The following L3MBTL4 variants were observed in gnomAD, a reference collection of about 807,000 sequenced individuals.
L3MBTL4 encodes the protein L3MBTL histone methyl-lysine binding protein 4.
Under a neutral mutation model 84.5 loss-of-function variants are expected in L3MBTL4, and 70 were observed. The observed-to-expected ratio is 0.83, with a 90% CI of 0.68 to 1.01. L3MBTL4 has a LOEUF of 1.01. Ranked by LOEUF, L3MBTL4 falls within the 50% of genes least tolerant of loss-of-function variation. The pLI is 0.00. For synonymous variants in L3MBTL4, 274 were observed against 259.8 expected, an observed-to-expected ratio of 1.05 and a Z score of -0.52; for missense variants, 715 against 754.8, an observed-to-expected ratio of 0.95 and a Z score of 0.62.
intron 12 of L3MBTL4, among the ~76,000 whole-genome samples, chr18:6,176,799 G>T (rs578116283): frequency 6.6e-6 from 1 of 152,122 alleles, no homozygotes; most frequent in South Asian, 2.1e-4. Context: ...TCTGACAAGA[G>T]ACTTGACAAA....
At chr18:6,333,989 G>A (rs1466113792) in intron 1 of L3MBTL4, among the ~76,000 whole-genome samples, 3 of 152,172 alleles carry the variant, frequency 2.0e-5, no homozygotes, top group African/African-American at 7.2e-5. Context: ...TGGCCATAAA[G>A]CATTCCAAAC....
chr18:6,020,847 T>C (rs946719117), intron 16 of L3MBTL4, among the ~76,000 whole-genome samples: 1 of 152,066 alleles, frequency 6.6e-6, no homozygotes, highest in African/African-American at 2.4e-5. Flanking sequence ...GGGGTGGACG[T>C]GCTCACTAAG....
chr18:6,183,428 C>T (rs770098373), intron 12 of L3MBTL4, among the ~76,000 whole-genome samples: 12 of 152,340 alleles, frequency 7.9e-5, no homozygotes, highest in African/African-American at 1.2e-4. Context: ...ATGTAAAGGT[C>T]GTTGCCTTTG....
rs139585051 is a variant in L3MBTL4 at position 6,329,442 on chromosome 18, C to T, written c.-90-17386G>A. 1.6e-3 allele frequency among the ~76,000 whole-genome samples: 243 copies of T among 152,204 alleles called. 2 individuals are homozygous for T. Among genetic ancestry groups the T allele is most frequent in the African/African-American group, 5.2e-3 (215 of 41,546 alleles). ...TGCTCGGATTACAGGCCTGAGCCAC[C>T]GCACCCAGCCTTCTGTTTCTTTTTA... On this transcript the variant is annotated intron_variant, in intron 1 of 18. Transcript: ENST00000317931.
intron 17 of L3MBTL4, among the ~76,000 whole-genome samples, chr18:5,969,120 C>T (rs2052502806): frequency 6.6e-6 from 1 of 152,122 alleles, no homozygotes; most frequent in African/African-American, 2.4e-5. Flanking sequence ...TGAATTAGCC[C>T]CAGCTGATAG....
chr18:6,354,450 G>T (rs752539554), intron 1 of L3MBTL4, among the ~76,000 whole-genome samples: 2 of 152,120 alleles, frequency 1.3e-5, no homozygotes, highest in Non-Finnish European at 2.9e-5. Context: ...AAGTTAAAAA[G>T]CTTCTACAGA....
At chr18:6,010,348 G>A (rs2054678242) in intron 16 of L3MBTL4, among the ~76,000 whole-genome samples, 1 of 152,134 alleles carries the variant, frequency 6.6e-6, no homozygotes, top group Admixed American at 6.5e-5. Flanking sequence ...AGCTCAGAGA[G>A]GAACTGTGCT....
At chr18:6,227,322 AC>A (rs2046820750) in intron 10 of L3MBTL4, among the ~76,000 whole-genome samples, 1 of 152,206 alleles carries the variant, frequency 6.6e-6, no homozygotes, top group Non-Finnish European at 1.5e-5. Flanking sequence ...CCACCCAACA[AC>A]AGCAAAATAC....
At chr18:6,365,620 CA>C (rs2053901867) in intron 1 of L3MBTL4, among the ~76,000 whole-genome samples, 1 of 152,104 alleles carries the variant, frequency 6.6e-6, no homozygotes, top group Non-Finnish European at 1.5e-5. Context: ...ATAAGAAAAA[CA>C]ATACCCACAG....
intron 14 of L3MBTL4, among the ~76,000 whole-genome samples, chr18:6,127,329 T>G (rs1437408017): frequency 2.6e-5 from 4 of 152,180 alleles, no homozygotes; most frequent in Non-Finnish European, 4.4e-5. Flanking sequence ...TTAGTGGTAG[T>G]ATATTTTGTG....
At chr18:6,140,891 T>G (rs1395268865) in intron 13 of L3MBTL4, among the ~76,000 whole-genome samples, 1 of 151,854 alleles carries the variant, frequency 6.6e-6, no homozygotes, top group Non-Finnish European at 1.5e-5. Flanking sequence ...AGGGCTCCTT[T>G]CCTGAGGCAC....
At chr18:6,297,523 A>G (rs1405895996) in intron 4 of L3MBTL4, among the ~76,000 whole-genome samples, 1 of 152,314 alleles carries the variant, frequency 6.6e-6, no homozygotes, top group Middle Eastern at 3.4e-3. Context: ...ACTTTTCTGT[A>G]ATCCTAAAAT....
At chr18:6,209,478 C>G (rs567119) in intron 12 of L3MBTL4, among the ~76,000 whole-genome samples, 3 of 138,134 alleles carry the variant, frequency 2.2e-5, no homozygotes, top group African/African-American at 8.9e-5. Flanking sequence ...CAAAACAAAA[C>G]AAAAACCAGA....
intron 16 of L3MBTL4, among the ~76,000 whole-genome samples, chr18:6,015,706 C>G (rs750377826): frequency 6.6e-6 from 1 of 152,050 alleles, no homozygotes; most frequent in Non-Finnish European, 1.5e-5. Context: ...CGCCTGTAAC[C>G]CCAGCACTTT....
At chr18:6,094,181 C>A (rs2058554209) in intron 14 of L3MBTL4, among the ~76,000 whole-genome samples, 1 of 152,194 alleles carries the variant, frequency 6.6e-6, no homozygotes, top group African/African-American at 2.4e-5. Flanking sequence ...GCAGAAGGAT[C>A]TGCCAGGGCC....
intron 12 of L3MBTL4, among the ~76,000 whole-genome samples, chr18:6,193,584 G>A (rs1330852695): frequency 6.6e-6 from 1 of 152,224 alleles, no homozygotes; most frequent in Non-Finnish European, 1.5e-5. Flanking sequence ...GAGCCGGGAC[G>A]GGGCAGAGTT....
intron 1 of L3MBTL4, among the ~76,000 whole-genome samples, chr18:6,357,841 A>G (rs989321507): frequency 2.0e-5 from 3 of 152,220 alleles, no homozygotes; most frequent in Non-Finnish European, 4.4e-5. Flanking sequence ...TTACTCCTGC[A>G]TGCATCATTA....
At chr18:6,307,353 C>T (rs2050633695) in intron 3 of L3MBTL4, among the ~76,000 whole-genome samples, 1 of 150,872 alleles carries the variant, frequency 6.6e-6, no homozygotes, top group African/African-American at 2.4e-5. Flanking sequence ...AAGAGAATCG[C>T]TTGAACCTGG....
At chr18:6,146,425 C>G (rs578157774) in intron 13 of L3MBTL4, among the ~76,000 whole-genome samples, 3 of 152,038 alleles carry the variant, frequency 2.0e-5, no homozygotes, top group Non-Finnish European at 4.4e-5. Flanking sequence ...CGGCTGAGAG[C>G]GAGGAACTCA....
Sources: gnomAD v4.1 joint callset for allele counts (sites outside exome capture counted in the v4.1 genomes callset) on GRCh38, gnomAD v4.1.1 for gene constraint, MANE v1.5 for transcripts, NCBI Gene and HGNC (gene_info 2026-07-23, HGNC 2026-07-21) for gene names.